FOXJ3: variants seen among roughly 807,000 people sequenced by gnomAD.
The protein encoded by FOXJ3 is forkhead box J3, also known as forkhead box protein J3.
A neutral mutation model predicts 76.1 loss-of-function variants in FOXJ3; 22 were observed. That is an observed-to-expected ratio of 0.29 (90% CI 0.21 to 0.41). The LOEUF (loss-of-function observed/expected upper bound fraction) is 0.41, where lower values mean the gene tolerates loss of function less well. Ranked by LOEUF, FOXJ3 falls within the 10% of genes least tolerant of loss-of-function variation. FOXJ3 has a pLI of 1.00. For missense variants in FOXJ3, 613 were observed against 762.1 expected, an observed-to-expected ratio of 0.80 and a Z score of 2.30; for synonymous variants, 269 against 261.2, an observed-to-expected ratio of 1.03 and a Z score of -0.29.
intron 1 of FOXJ3, among the ~76,000 whole-genome samples, chr1:42,316,011 C>A (rs571287734): frequency 2.0e-5 from 3 of 152,266 alleles, no homozygotes; most frequent in East Asian, 1.9e-4. Flanking sequence ...CATGGAATTT[C>A]TTTTAACATA....
chr1:42,298,714 T>C (rs1237925344), intron 2 of FOXJ3, among the ~76,000 whole-genome samples: 2 of 152,206 alleles, frequency 1.3e-5, no homozygotes, highest in Non-Finnish European at 2.9e-5. Flanking sequence ...GGTTTGTTAT[T>C]TTTCTAGTTC....
chr1:42,280,460 A>AAC (rs1652623825), intron 2 of FOXJ3: 1 of 948,372 alleles, frequency 1.1e-6, no homozygotes, highest in Non-Finnish European at 1.3e-6. Flanking sequence ...AAAAAAAAAA[A>AAC]AAAAAACTTA....
chr1:42,316,124 G>T (rs967428173), intron 1 of FOXJ3, among the ~76,000 whole-genome samples: 1 of 152,106 alleles, frequency 6.6e-6, no homozygotes, highest in East Asian at 1.9e-4. Context: ...TTATCTGGGG[G>T]CATGGAGTGA....
chr1:42,268,578 T>G (rs1208032528), intron 3 of FOXJ3, among the ~76,000 whole-genome samples: 1 of 152,038 alleles, frequency 6.6e-6, no homozygotes, highest in Non-Finnish European at 1.5e-5. Flanking sequence ...AAAAATAAAT[T>G]GTATAAAGCA....
chr1:42,226,848 G>A (rs975877419), intron 5 of FOXJ3, among the ~76,000 whole-genome samples: 11 of 152,312 alleles, frequency 7.2e-5, no homozygotes, highest in African/African-American at 2.6e-4. Context: ...ATCCCAGTTT[G>A]AGATCTTTAT....
chr1:42,246,718 A>G (rs1300785610), intron 4 of FOXJ3, among the ~76,000 whole-genome samples: 1 of 152,126 alleles, frequency 6.6e-6, no homozygotes, highest in African/African-American at 2.4e-5. Flanking sequence ...AGAAATCATT[A>G]TATCAAAGGG....
At chr1:42,288,061 A>G (rs1425832649) in intron 2 of FOXJ3, among the ~76,000 whole-genome samples, 1 of 152,210 alleles carries the variant, frequency 6.6e-6, no homozygotes, top group Non-Finnish European at 1.5e-5. Flanking sequence ...CATCTTCAAA[A>G]TATTTCACTT....
At chr1:42,311,332 CCT>C (rs1488415087) in intron 1 of FOXJ3, among the ~76,000 whole-genome samples, 2 of 152,118 alleles carry the variant, frequency 1.3e-5, no homozygotes, top group East Asian at 1.9e-4. Context: ...TATCAGGAAG[CCT>C]ACAGACATAT....
intron 2 of FOXJ3, among the ~76,000 whole-genome samples, chr1:42,310,432 C>G (rs1199555987): frequency 6.6e-6 from 1 of 151,568 alleles, no homozygotes; most frequent in Non-Finnish European, 1.5e-5. Context: ...GCATGAGCCA[C>G]CGCACCTGGG....
chr1:42,294,356 G>C (rs1050714708), intron 2 of FOXJ3, among the ~76,000 whole-genome samples: 4 of 152,296 alleles, frequency 2.6e-5, no homozygotes, highest in Admixed American at 2.6e-4. Context: ...ACAAATTAAA[G>C]GATCTGAACC....
At chr1:42,202,353 T>A (rs1349352818) in intron 6 of FOXJ3, among the ~76,000 whole-genome samples, 1 of 152,150 alleles carries the variant, frequency 6.6e-6, no homozygotes, top group Non-Finnish European at 1.5e-5. Flanking sequence ...GCTAATTCTA[T>A]CATTTCTATC....
intron 4 of FOXJ3, among the ~76,000 whole-genome samples, chr1:42,250,795 T>A (rs1570047236): frequency 4.9e-5 from 4 of 82,098 alleles, no homozygotes; most frequent in African/African-American, 1.0e-4. Context: ...CAAAACTCCA[T>A]CTCAAAAAAA....
chr1:42,193,733 T>C (rs1278213421), intron 8 of FOXJ3, among the ~76,000 whole-genome samples: 12 of 152,230 alleles, frequency 7.9e-5, no homozygotes, highest in East Asian at 1.9e-4. Context: ...CTGTTCATTT[T>C]TGTTCACTGC....
At chr1:42,183,781 G>C (rs1016103367) in intron 11 of FOXJ3, among the ~76,000 whole-genome samples, 1 of 152,070 alleles carries the variant, frequency 6.6e-6, no homozygotes, top group African/African-American at 2.4e-5. Context: ...TTACCCTCCA[G>C]TGGAAAGCCA....
In FOXJ3 at chr1:42,277,769, C is replaced by T. The variant is rs1652387758; in HGVS notation, c.369+579G>A. Among the ~76,000 whole-genome samples the T allele has an allele frequency of 1.8e-4, 2 of 10,882 alleles. 1 individual carries two copies. Among genetic ancestry groups the T allele is most frequent in the Non-Finnish European group, 4.6e-4 (2 of 4,368 alleles). The allele number at this position is 10,882 out of a possible 152,430, so 7.1% of individuals were successfully genotyped here. Reference sequence around the variant, plus strand: ...CCGAGATCCCGCCACTGCACTCCAGCCTGGGCGACAGAGCGAGACTCCGTC... The same window carrying T: ...CCGAGATCCCGCCACTGCACTCCAGTCTGGGCGACAGAGCGAGACTCCGTC... On this transcript the variant is annotated intron_variant, in intron 3 of 12. Coordinates refer to ENST00000361346, the MANE Select transcript of FOXJ3 (RefSeq NM_014947.5).
Position 42,278,510 on chromosome 1 carries a change from T to C in FOXJ3, c.207A>G (p.Glu69=), listed in dbSNP as rs1251877482. 1 of 1,614,192 alleles carries C rather than the reference T, an allele frequency of 6.2e-7. No homozygotes were observed. Among genetic ancestry groups the C allele is most frequent in the South Asian group, 1.1e-5 (1 of 91,074 alleles). Reference sequence around the variant, plus strand: ...TCCCATCTTTGTGCTGTTGGACTTCTTCCTGGTCCAGAGTTGTATTTGGGT... The same window carrying C: ...TCCCATCTTTGTGCTGTTGGACTTCCTCCTGGTCCAGAGTTGTATTTGGGT... The part of the protein sequence containing the change: ...LLDPNTTLDQ[E]EVQQHKDGKP... The change falls in exon 3 of 13, where the codon GAA becomes GAG. Residue 69 remains glutamate, a synonymous_variant. Coordinates refer to ENST00000361346, the MANE Select transcript of FOXJ3 (RefSeq NM_014947.5).
chr1:42,301,761 G>A (rs573705749), intron 2 of FOXJ3, among the ~76,000 whole-genome samples: 1 of 152,120 alleles, frequency 6.6e-6, no homozygotes, highest in Admixed American at 6.5e-5. Context: ...GGATCTCATT[G>A]AGCTTCTTTA....
At chr1:42,186,514 T>C (rs1319652882) in intron 11 of FOXJ3, among the ~76,000 whole-genome samples, 1 of 151,972 alleles carries the variant, frequency 6.6e-6, no homozygotes, top group Non-Finnish European at 1.5e-5. Flanking sequence ...AGGAGGGCCC[T>C]AACAAAAGAG....
chr1:42,216,379 G>A (rs939640376), intron 5 of FOXJ3, among the ~76,000 whole-genome samples: 2 of 151,740 alleles, frequency 1.3e-5, no homozygotes, highest in African/African-American at 2.4e-5. Flanking sequence ...TTAGCCGGGC[G>A]TGGTAGCGGG....
Sources: allele counts gnomAD v4.1 joint callset (sites outside exome capture counted in the v4.1 genomes callset), GRCh38; gene constraint gnomAD v4.1.1; transcripts MANE v1.5; gene names NCBI Gene and HGNC (gene_info 2026-07-23, HGNC 2026-07-21).